IL1RAPL2: variants seen among roughly 807,000 people sequenced by gnomAD.
The protein encoded by IL1RAPL2 is X-linked interleukin-1 receptor accessory protein-like 2.
IL1RAPL2 carries 3 observed loss-of-function variants against 44.1 expected under a neutral mutation model. The observed-to-expected ratio is 0.07, with a 90% CI of 0.03 to 0.18. IL1RAPL2 has a LOEUF of 0.18. Ranked by LOEUF, IL1RAPL2 falls within the 10% of genes least tolerant of loss-of-function variation. IL1RAPL2 has a pLI of 1.00. For synonymous variants in IL1RAPL2, 181 were observed against 178.8 expected, an observed-to-expected ratio of 1.01 and a Z score of -0.10; for missense variants, 391 against 496.4, an observed-to-expected ratio of 0.79 and a Z score of 2.02.
chrX:105,205,580 ACT>A (rs1369022035), intron 3 of IL1RAPL2, among the ~76,000 whole-genome samples: 1 of 70,578 alleles, frequency 1.4e-5, no homozygotes, highest in African/African-American at 5.3e-5. Context: ...ACAGAGCAAG[ACT>A]CTGTTAAAAA....
chrX:105,281,619 CA>C (rs1284685353), intron 5 of IL1RAPL2, among the ~76,000 whole-genome samples: 1 of 111,211 alleles, frequency 9.0e-6, no homozygotes, highest in Non-Finnish European at 1.9e-5. Context: ...AAATCCTTAC[CA>C]TTGTGTTACA....
chrX:105,040,842 T>C (rs1176019035), intron 2 of IL1RAPL2, among the ~76,000 whole-genome samples: 3 of 104,539 alleles, frequency 2.9e-5, no homozygotes, highest in African/African-American at 7.2e-5. Flanking sequence ...CCTGGATTCA[T>C]TAATTTTTTG....
At chrX:104,727,963 G>A (rs936044391) in intron 2 of IL1RAPL2, among the ~76,000 whole-genome samples, 5 of 110,569 alleles carry the variant, frequency 4.5e-5, no homozygotes, top group African/African-American at 1.6e-4. Flanking sequence ...AGAAGGGTGG[G>A]AAGGTAGTGA....
chrX:104,802,172 C>T (rs1184871134), intron 2 of IL1RAPL2, among the ~76,000 whole-genome samples: 5 of 109,978 alleles, frequency 4.5e-5, no homozygotes, highest in Non-Finnish European at 9.5e-5. Context: ...TGGTGAAACC[C>T]TGTCTCTACT....
At chrX:105,443,408 T>C (rs1025396982) in intron 5 of IL1RAPL2, among the ~76,000 whole-genome samples, 10 of 111,528 alleles carry the variant, frequency 9.0e-5, no homozygotes, top group Non-Finnish European at 1.7e-4. Context: ...TTATTGACTA[T>C]AGTTTCTGTG....
chrX:104,933,610 G>A (rs767133430), intron 2 of IL1RAPL2, among the ~76,000 whole-genome samples: 1 of 111,446 alleles, frequency 9.0e-6, no homozygotes, highest in South Asian at 3.8e-4. Context: ...AAGAACCTTG[G>A]TAGGAAGGTA....
rs148155439 is a variant in IL1RAPL2, at chrX:105,410,450, G to A, written c.698-73863G>A. ...ATAATGAGGATGAGAGCTGAGAAATGGCTATCAGACTGCGCAAAGTGGAGA... is the reference window on the plus strand; with the variant it reads ...ATAATGAGGATGAGAGCTGAGAAATAGCTATCAGACTGCGCAAAGTGGAGA... On this transcript the variant is annotated intron_variant, in intron 5 of 10. Coordinates refer to ENST00000372582, the MANE Select transcript of IL1RAPL2 (RefSeq NM_017416.2). Among the ~76,000 whole-genome samples, 577 of 110,336 alleles carry A rather than the reference G, an allele frequency of 5.2e-3. 5 individuals are homozygous for A. The highest frequency in any genetic ancestry group is 0.017 in the African/African-American group (520 of 30,403).
intron 2 of IL1RAPL2, among the ~76,000 whole-genome samples, chrX:105,040,645 C>G (rs1442945554): frequency 9.1e-6 from 1 of 110,451 alleles, no homozygotes; most frequent in African/African-American, 3.4e-5. Flanking sequence ...TCCATTTCTT[C>G]TAGATTTTCT....
intron 6 of IL1RAPL2, among the ~76,000 whole-genome samples, chrX:105,592,272 T>G (rs1031684583): frequency 1.8e-5 from 2 of 112,172 alleles, no homozygotes; most frequent in East Asian, 5.6e-4. Context: ...TGTTGTCCAT[T>G]TACTTTGTAG....
In IL1RAPL2 at chrX:104,761,849, CTCCTT is replaced by C. The variant is rs1569309723; in HGVS notation, c.82+102855_82+102859del. 1.6e-4 allele frequency among the ~76,000 whole-genome samples: 7 copies of C among 42,427 alleles called. No homozygotes were observed. In the East Asian group the frequency reaches 4.4e-3, roughly 27 times the overall value. 36.8% of individuals were successfully genotyped at this position (42,427 alleles called of 115,157 possible). On this transcript the variant is annotated intron_variant, in intron 2 of 10. Transcript: ENST00000372582. ...TCTCCTTCTTCTCCTTCTCCTTCTT[CTCCTT>C]CTCCTTCTCCTTCTCCTTCTCCTTC...
intron 2 of IL1RAPL2, among the ~76,000 whole-genome samples, chrX:105,106,833 T>C (rs1242611922): frequency 8.9e-6 from 1 of 112,005 alleles, no homozygotes; most frequent in Non-Finnish European, 1.9e-5. Flanking sequence ...GGGGGAAAGA[T>C]CATAAAATTA....
chrX:104,991,369 C>T (rs974772045), intron 2 of IL1RAPL2, among the ~76,000 whole-genome samples: 2 of 111,132 alleles, frequency 1.8e-5, no homozygotes, highest in Non-Finnish European at 1.9e-5. Context: ...TACACAGTAG[C>T]CAGAGGAAGG....
At chrX:105,227,241 T>A (rs2034025714) in intron 3 of IL1RAPL2, among the ~76,000 whole-genome samples, 1 of 111,504 alleles carries the variant, frequency 9.0e-6, no homozygotes, top group Non-Finnish European at 1.9e-5. Flanking sequence ...ATAAAAAAAT[T>A]ATGATATGTT....
intron 2 of IL1RAPL2, among the ~76,000 whole-genome samples, chrX:104,709,634 C>T (rs2180637): frequency 0.37 from 40,504 of 109,635 alleles, 5,843 homozygotes; most frequent in East Asian, 0.47. Flanking sequence ...ATATTGAATT[C>T]GAGTTTAGTT....
At chrX:104,824,561 A>G (rs1220885684) in intron 2 of IL1RAPL2, among the ~76,000 whole-genome samples, 1 of 111,976 alleles carries the variant, frequency 8.9e-6, no homozygotes, top group African/African-American at 3.2e-5. Context: ...CCTGAATTTC[A>G]GAACTTGTTA....
At chrX:104,752,628 T>C (rs1249874545) in intron 2 of IL1RAPL2, among the ~76,000 whole-genome samples, 1 of 110,745 alleles carries the variant, frequency 9.0e-6, no homozygotes, top group East Asian at 2.9e-4. Context: ...CTAAGTATAG[T>C]TCTTTCTAGG....
intron 3 of IL1RAPL2, among the ~76,000 whole-genome samples, chrX:105,207,367 T>C (rs1556153372): frequency 9.0e-6 from 1 of 111,716 alleles, no homozygotes; most frequent in Admixed American, 9.5e-5. Flanking sequence ...CTAGAAAACA[T>C]AGTCTAGCAA....
At chrX:104,862,538 A>AT (rs1177473206) in intron 2 of IL1RAPL2, among the ~76,000 whole-genome samples, 1 of 110,662 alleles carries the variant, frequency 9.0e-6, no homozygotes, top group African/African-American at 3.3e-5. Flanking sequence ...TTCTACCAAC[A>AT]AACCAAAAAA....
intron 6 of IL1RAPL2, among the ~76,000 whole-genome samples, chrX:105,543,308 A>T (rs2036760793): frequency 8.9e-6 from 1 of 112,449 alleles, no homozygotes; most frequent in Admixed American, 9.4e-5. Flanking sequence ...ATGGTCATTT[A>T]AAAATATCTA....
Sources: allele counts gnomAD v4.1 joint callset (sites outside exome capture counted in the v4.1 genomes callset), GRCh38; gene constraint gnomAD v4.1.1; transcripts MANE v1.5; gene names NCBI Gene and HGNC (gene_info 2026-07-23, HGNC 2026-07-21).